The following PTK2 variants were observed in gnomAD, a reference collection of about 807,000 sequenced individuals.
The protein encoded by PTK2 is protein tyrosine kinase 2, also known as focal adhesion kinase 1.
PTK2 carries 45 observed loss-of-function variants against 150.1 expected under a neutral mutation model. That is an observed-to-expected ratio of 0.30 (90% CI 0.24 to 0.38). PTK2 has a LOEUF of 0.38. PTK2 is among the 10% of genes least tolerant of loss of function. The pLI is 1.00. For synonymous variants in PTK2, 432 were observed against 449.2 expected (o/e 0.96, Z 0.48); for missense variants, 919 against 1,307.3 (o/e 0.70, Z 4.58).
At chr8:140,910,404 C>A (rs1054191965) in intron 2 of PTK2, among the ~76,000 whole-genome samples, 1 of 151,814 alleles carries the variant, frequency 6.6e-6, no homozygotes, top group African/African-American at 2.4e-5. Context: ...TTCAAAACTT[C>A]GTACATAATT....
At chr8:140,978,071 T>A (rs199627144) in intron 1 of PTK2, among the ~76,000 whole-genome samples, 33 of 152,270 alleles carry the variant, frequency 2.2e-4, no homozygotes, top group African/African-American at 7.7e-4. Flanking sequence ...GAAAGCTGAA[T>A]CTGGATCCCT....
chr8:140,776,971 G>A (rs2100078824), intron 14 of PTK2, among the ~76,000 whole-genome samples: 1 of 152,150 alleles, frequency 6.6e-6, no homozygotes, highest in African/African-American at 2.4e-5. Context: ...TTTCAATAAG[G>A]AGCAACACTG....
At chr8:140,948,401 G>T (rs2100178410) in intron 1 of PTK2, among the ~76,000 whole-genome samples, 1 of 152,042 alleles carries the variant, frequency 6.6e-6, no homozygotes, top group African/African-American at 2.4e-5. Flanking sequence ...TGGGGGGAAG[G>T]GTCAATATTT....
intron 1 of PTK2, among the ~76,000 whole-genome samples, chr8:140,945,579 G>C (rs2100177411): frequency 7.1e-6 from 1 of 141,224 alleles, no homozygotes; most frequent in Non-Finnish European, 1.6e-5. Context: ...GACAAAATGA[G>C]ACCTTTATTT....
chr8:140,679,024 T>G (rs1192394579), intron 27 of PTK2, among the ~76,000 whole-genome samples: 15 of 109,596 alleles, frequency 1.4e-4, no homozygotes, highest in Non-Finnish European at 2.4e-4. Flanking sequence ...TTTTTTTTTT[T>G]TTTTTTTTTT....
intron 2 of PTK2, among the ~76,000 whole-genome samples, chr8:140,903,663 T>G (rs1003803694): frequency 6.6e-6 from 1 of 152,216 alleles, no homozygotes; most frequent in Non-Finnish European, 1.5e-5. Context: ...TTTGTTTGTG[T>G]CCTCTCTTAT....
intron 3 of PTK2, among the ~76,000 whole-genome samples, chr8:140,880,539 T>C (rs961569581): frequency 5.9e-5 from 9 of 152,228 alleles, no homozygotes; most frequent in East Asian, 1.9e-4. Flanking sequence ...CTCAATCTTT[T>C]AGGTGATAAG....
chr8:140,837,226 G>C (rs546662732), intron 7 of PTK2, among the ~76,000 whole-genome samples: 1 of 152,264 alleles, frequency 6.6e-6, no homozygotes, highest in Non-Finnish European at 1.5e-5. Context: ...ACGTACCAGG[G>C]ACAGGGGTTG....
rs534265127 is a variant in PTK2 at position 140,735,503 on chromosome 8, G to GT, written c.1826-49dup. ...CAACAGTGAGCTCAGTATGAAGAAT[G>GT]TAACTCCCAGGTTCCAGGAACATTG... On this transcript the variant is annotated intron_variant, in intron 21 of 31. Transcript: ENST00000522684. The GT allele has an allele frequency of 5.1e-4, 805 of 1,575,678 alleles. 2 individuals are homozygous for GT. The highest frequency in any genetic ancestry group is 1.3e-3 in the South Asian group (115 of 90,234).
chr8:140,810,549 A>C (rs2100100886), intron 10 of PTK2, among the ~76,000 whole-genome samples: 1 of 152,102 alleles, frequency 6.6e-6, no homozygotes, highest in African/African-American at 2.4e-5. Context: ...ATTGCCACAC[A>C]CCAGCCCACC....
intron 7 of PTK2, among the ~76,000 whole-genome samples, chr8:140,840,984 T>A (rs893190955): frequency 6.6e-6 from 1 of 152,138 alleles, no homozygotes; most frequent in South Asian, 2.1e-4. Context: ...TTATCAGGCA[T>A]AGAGAAGATC....
At chr8:140,704,979 C>T (rs1439917693) in intron 24 of PTK2, among the ~76,000 whole-genome samples, 1 of 152,156 alleles carries the variant, frequency 6.6e-6, no homozygotes, top group African/African-American at 2.4e-5. Flanking sequence ...TCACTCTTGA[C>T]TCTGCCAGGC....
chr8:140,689,882 C>T (rs2100022091), intron 26 of PTK2, among the ~76,000 whole-genome samples: 1 of 152,212 alleles, frequency 6.6e-6, no homozygotes, highest in South Asian at 2.1e-4. Flanking sequence ...TTGAAGGGCT[C>T]TAAACAGAGA....
At chr8:140,745,163 A>G (rs1344329992) in intron 18 of PTK2, among the ~76,000 whole-genome samples, 2 of 152,228 alleles carry the variant, frequency 1.3e-5, no homozygotes, top group African/African-American at 4.8e-5. Context: ...TTCAAACCTT[A>G]CTGTGGCTCT....
intron 26 of PTK2, among the ~76,000 whole-genome samples, chr8:140,696,860 T>C (rs1452744439): frequency 2.0e-5 from 3 of 152,074 alleles, no homozygotes; most frequent in Non-Finnish European, 2.9e-5. Context: ...TCTGCACTCA[T>C]GGGGTGCTCA....
intron 25 of PTK2, 81 bp downstream of exon 28, chr8:140,702,489 G>C (rs1489495593): frequency 2.1e-5 from 31 of 1,507,514 alleles, no homozygotes; most frequent in Non-Finnish European, 2.8e-5. Flanking sequence ...AAAAGTGCTA[G>C]GATTACAAGT....
intron 23 of PTK2, 84 bp downstream of exon 26, chr8:140,717,514 C>A: frequency 9.6e-7 from 1 of 1,039,722 alleles, no homozygotes; most frequent in South Asian, 1.3e-5. Context: ...ATTTGACTTT[C>A]TCCTCATAGA....
chr8:140,999,906 T>G (rs1208369823), intron 1 of PTK2, among the ~76,000 whole-genome samples: 2 of 151,972 alleles, frequency 1.3e-5, no homozygotes, highest in Non-Finnish European at 2.9e-5. Context: ...AGCTTGAATG[T>G]ATAACCAGTT....
intron 2 of PTK2, among the ~76,000 whole-genome samples, chr8:140,893,451 T>C (rs1338081715): frequency 3.3e-5 from 5 of 152,154 alleles, no homozygotes; most frequent in African/African-American, 1.2e-4. Flanking sequence ...CAATGAAATA[T>C]TGTTCAGCAT....
Sources: gnomAD v4.1 joint callset for allele counts (sites outside exome capture counted in the v4.1 genomes callset) on GRCh38, gnomAD v4.1.1 for gene constraint, MANE v1.5 for transcripts, NCBI Gene and HGNC (gene_info 2026-07-23, HGNC 2026-07-21) for gene names.